SEMA3C: variants seen among roughly 807,000 people sequenced by gnomAD.
SEMA3C encodes the protein semaphorin 3C, also known as semaphorin-3C.
In SEMA3C, 47 loss-of-function variants were observed where a neutral mutation model predicts 89.4. The ratio of observed to expected loss-of-function variants is 0.53; its 90% CI spans 0.42 to 0.67. The LOEUF (loss-of-function observed/expected upper bound fraction) is 0.67. Ranked by LOEUF, SEMA3C falls within the 30% of genes least tolerant of loss-of-function variation. The pLI is 0.00. For missense variants in SEMA3C, 839 were observed against 929.1 expected (o/e 0.90, Z 1.26); for synonymous variants, 310 against 320.2 (o/e 0.97, Z 0.34).
chr7:80,865,493 G>A (rs1032068297), intron 2 of SEMA3C, among the ~76,000 whole-genome samples: 31 of 152,034 alleles, frequency 2.0e-4, no homozygotes, highest in African/African-American at 7.0e-4. Context: ...CCATCTTTAA[G>A]AATGCATATC....
At chr7:80,892,549 A>G (rs1791640226) in intron 2 of SEMA3C, among the ~76,000 whole-genome samples, 1 of 151,988 alleles carries the variant, frequency 6.6e-6, no homozygotes, top group African/African-American at 2.4e-5. Flanking sequence ...AAGAAAATTT[A>G]AAAAAACAAC....
At chr7:80,891,282 G>A (rs79182896) in intron 2 of SEMA3C, among the ~76,000 whole-genome samples, 3 of 152,162 alleles carry the variant, frequency 2.0e-5, no homozygotes, top group East Asian at 3.9e-4. Context: ...CCCGTCTTGC[G>A]TCCAAACTCC....
chr7:80,916,061 T>C (rs1360247774), intron 2 of SEMA3C, among the ~76,000 whole-genome samples: 2 of 152,186 alleles, frequency 1.3e-5, no homozygotes, highest in African/African-American at 2.4e-5. Flanking sequence ...CTTTTATGTA[T>C]GTGAAAATCT....
intron 2 of SEMA3C, among the ~76,000 whole-genome samples, chr7:80,895,275 GA>G (rs1791707146): frequency 1.3e-5 from 2 of 152,248 alleles, no homozygotes; most frequent in South Asian, 4.1e-4. Flanking sequence ...TGAATAAGAG[GA>G]AATTTGAATG....
chr7:80,832,327 T>C (rs1360901953), intron 2 of SEMA3C, among the ~76,000 whole-genome samples: 3 of 152,194 alleles, frequency 2.0e-5, no homozygotes, highest in Non-Finnish European at 4.4e-5. Context: ...TCCTCATCTA[T>C]ACATTGGCAA....
chr7:80,854,569 G>T (rs1050273416), intron 2 of SEMA3C, among the ~76,000 whole-genome samples: 13 of 152,232 alleles, frequency 8.5e-5, no homozygotes, highest in South Asian at 4.2e-4. Context: ...GGTAATTATT[G>T]TGAGAGTCAC....
upstream of SEMA3C, chr7:80,919,194 G>T (rs1339144551): frequency 1.0e-6 from 1 of 984,910 alleles, no homozygotes. Context: ...TCCGCCAGCC[G>T]CGAGGCCCCA....
intron 17 of SEMA3C, among the ~76,000 whole-genome samples, chr7:80,746,290 C>G (rs569006185): frequency 2.6e-5 from 4 of 151,872 alleles, no homozygotes; most frequent in Admixed American, 2.0e-4. Flanking sequence ...CACAAAAAGG[C>G]AAGTATAGTA....
At chr7:80,865,726 G>T (rs1488213278) in intron 2 of SEMA3C, among the ~76,000 whole-genome samples, 2 of 152,092 alleles carry the variant, frequency 1.3e-5, no homozygotes, top group Non-Finnish European at 2.9e-5. Context: ...ACCCGGGAGG[G>T]GGGGTTACAG....
At chr7:80,750,435 CATATATATATATATATATAT>C (rs71520704) in intron 16 of SEMA3C, among the ~76,000 whole-genome samples, 972 of 71,090 alleles carry the variant, frequency 0.014, 32 homozygotes, top group Middle Eastern at 0.03. Context: ...TACATACGTA[CATATATATATATATATATAT>C]ATATATATAT....
intron 15 of SEMA3C, among the ~76,000 whole-genome samples, chr7:80,757,921 G>A (rs1463333195): frequency 1.3e-5 from 2 of 152,104 alleles, no homozygotes; most frequent in African/African-American, 2.4e-5. Flanking sequence ...AGCCAAGATC[G>A]CACCATTGCA....
intron 4 of SEMA3C, among the ~76,000 whole-genome samples, chr7:80,820,282 G>A (rs1442738496): frequency 2.6e-5 from 4 of 151,588 alleles, no homozygotes; most frequent in African/African-American, 7.3e-5. Context: ...GGATGGTCTC[G>A]ATCTCCTGAC....
Position 80,881,613 on chromosome 7 carries a change from T to G in SEMA3C, c.103+35066A>C, listed in dbSNP as rs118025856. 3.7e-3 allele frequency among the ~76,000 whole-genome samples: 559 copies of G among 152,256 alleles called. 2 individuals are homozygous for G. Among genetic ancestry groups the G allele is most frequent in the Non-Finnish European group, 6.5e-3 (443 of 68,028 alleles). ...AGCTTATCTTTTGTAATATGGAAAA[T>G]CAAACCTCTCCTACATGTGATATTT... On this transcript the variant is annotated intron_variant, in intron 2 of 17. Coordinates refer to ENST00000265361, the MANE Select transcript of SEMA3C (RefSeq NM_006379.5).
chr7:80,748,934 C>T lies in SEMA3C; in HGVS notation c.1806G>A (p.Lys602=), dbSNP rs200270612. The T allele has an allele frequency of 1.4e-5, 23 of 1,613,350 alleles. No homozygotes were observed. In the East Asian group the frequency reaches 2.9e-4, roughly 20 times the overall value. ...CAPKSPQASI[K]WLLQKDKDRR... ...TGTCTTTGTCTTTCTGTAACAGCCACTTGATAGATGCCTGCGGAGACTTGG... is the reference window on the plus strand; with the variant it reads ...TGTCTTTGTCTTTCTGTAACAGCCATTTGATAGATGCCTGCGGAGACTTGG... Residue 602 remains lysine (K), a synonymous_variant, in exon 17 of 18, where the codon AAG becomes AAA. Transcript: ENST00000265361.
chr7:80,766,678 C>T (rs1247074986), intron 12 of SEMA3C, among the ~76,000 whole-genome samples: 2 of 152,066 alleles, frequency 1.3e-5, no homozygotes, highest in African/African-American at 4.8e-5. Flanking sequence ...AACCGGACAC[C>T]CTCCACCGTT....
chr7:80,752,386 C>T (rs1039695499), intron 15 of SEMA3C, among the ~76,000 whole-genome samples: 2 of 151,976 alleles, frequency 1.3e-5, no homozygotes, highest in South Asian at 2.1e-4. Flanking sequence ...CTGAGGTGGG[C>T]GGATCATGAG....
At chr7:80,759,837 T>C (rs1788143374) in intron 14 of SEMA3C, among the ~76,000 whole-genome samples, 1 of 152,170 alleles carries the variant, frequency 6.6e-6, no homozygotes. Context: ...ACAATAACCA[T>C]TTGTCCAGGC....
intron 2 of SEMA3C, among the ~76,000 whole-genome samples, chr7:80,852,536 G>A (rs1244120508): frequency 1.3e-5 from 2 of 152,048 alleles, no homozygotes; most frequent in African/African-American, 4.8e-5. Flanking sequence ...AAAGTGAAGA[G>A]AAAACCCACA....
chr7:80,883,945 C>T (rs756658435), intron 2 of SEMA3C, among the ~76,000 whole-genome samples: 1 of 152,196 alleles, frequency 6.6e-6, no homozygotes, highest in Non-Finnish European at 1.5e-5. Flanking sequence ...GAGTGAGGCA[C>T]TGTGATAAAT....
Sources: gnomAD v4.1 joint callset for allele counts (sites outside exome capture counted in the v4.1 genomes callset) on GRCh38, gnomAD v4.1.1 for gene constraint, MANE v1.5 for transcripts, NCBI Gene and HGNC (gene_info 2026-07-23, HGNC 2026-07-21) for gene names.